NR3C1: variants seen among roughly 807,000 people sequenced by gnomAD.
NR3C1 encodes the protein nuclear receptor subfamily 3 group C member 1.
NR3C1 carries 14 observed loss-of-function variants against 74.0 expected under a neutral mutation model. The ratio of observed to expected loss-of-function variants is 0.19; its 90% CI spans 0.12 to 0.30. The LOEUF (loss-of-function observed/expected upper bound fraction) is 0.30, where lower values mean the gene tolerates loss of function less well. Ranked by LOEUF, NR3C1 falls within the 10% of genes least tolerant of loss-of-function variation. NR3C1 has a pLI of 1.00. For missense variants in NR3C1, 695 were observed against 909.8 expected (o/e 0.76, Z 3.04); for synonymous variants, 308 against 332.5 (o/e 0.93, Z 0.80).
At chr5:143,335,217 C>A (rs529242489) in intron 2 of NR3C1, among the ~76,000 whole-genome samples, 1 of 152,304 alleles carries the variant, frequency 6.6e-6, no homozygotes, top group South Asian at 2.1e-4. Flanking sequence ...AGGCTGGCCC[C>A]ATTTTTCATT....
chr5:143,380,472 TAAG>T (rs2151885079), intron 2 of NR3C1, among the ~76,000 whole-genome samples: 1 of 152,338 alleles, frequency 6.6e-6, no homozygotes, highest in South Asian at 2.1e-4. Flanking sequence ...GTATTCTCTT[TAAG>T]AAGAAGCCAA....
chr5:143,291,331 T>C (rs1204665173), intron 7 of NR3C1, among the ~76,000 whole-genome samples: 1 of 152,106 alleles, frequency 6.6e-6, no homozygotes, highest in East Asian at 1.9e-4. Context: ...GTTCAAGTGA[T>C]TCTCCTGCCT....
chr5:143,391,680 CA>C, intron 2 of NR3C1, among the ~76,000 whole-genome samples: 1 of 151,694 alleles, frequency 6.6e-6, no homozygotes, highest in South Asian at 2.1e-4. Flanking sequence ...AAGGCGCTTT[CA>C]AAAAATAATA....
In NR3C1 at chr5:143,282,567, C is replaced by G; in HGVS notation, c.2181+1G>C. 1 of 1,613,810 alleles carries G rather than the reference C, an allele frequency of 6.2e-7. No homozygotes were observed. Among genetic ancestry groups the G allele is most frequent in the Non-Finnish European group, 8.5e-7 (1 of 1,179,824 alleles). ...TATTTGGCTTTATGTTTGACACTTA[C>G]TTCATGCATAGAATCCAAGAGTTTT... On this transcript the variant is annotated splice_donor_variant, in intron 8 of 8. Transcript: ENST00000394464. LOFTEE classifies it high-confidence loss of function.
At chr5:143,355,061 A>G (rs1830898628) in intron 2 of NR3C1, among the ~76,000 whole-genome samples, 1 of 152,188 alleles carries the variant, frequency 6.6e-6, no homozygotes, top group Non-Finnish European at 1.5e-5. Flanking sequence ...AAGCTGTTGG[A>G]AAAATGGCAC....
Position 143,314,084 on chromosome 5 carries a change from C to A in NR3C1, c.1269G>T (p.Val423=). The A allele has an allele frequency of 1.2e-6, 2 of 1,613,816 alleles. No individual in the cohort carries two copies. The highest frequency in any genetic ancestry group is 1.7e-6 in the Non-Finnish European group (2 of 1,179,752). ...TTGPPPKLCL[V]CSDEASGCHY... Reference sequence around the variant, plus strand: ...GACATCCTGAAGCTTCATCAGAGCACACCAGGCAGAGTTTGGGAGGTGGTC... The same window carrying A: ...GACATCCTGAAGCTTCATCAGAGCAAACCAGGCAGAGTTTGGGAGGTGGTC... Residue 423 remains valine (V), a synonymous_variant, in exon 3 of 9, where the codon GTG becomes GTT. Coordinates refer to ENST00000394464, the MANE Select transcript of NR3C1 (RefSeq NM_000176.3).
At chr5:143,426,308 G>A (rs1243693928) in intron 1 of NR3C1, among the ~76,000 whole-genome samples, 1 of 152,126 alleles carries the variant, frequency 6.6e-6, no homozygotes, top group Non-Finnish European at 1.5e-5. Flanking sequence ...TAGCGGGGAT[G>A]GTTGTACAAA....
At chr5:143,305,533 G>T (rs1158328120) in intron 4 of NR3C1, among the ~76,000 whole-genome samples, 1 of 152,138 alleles carries the variant, frequency 6.6e-6, no homozygotes, top group Non-Finnish European at 1.5e-5. Flanking sequence ...AGAAAATGTG[G>T]TATTTATATG....
At chr5:143,392,335 T>C (rs1838401405) in intron 2 of NR3C1, among the ~76,000 whole-genome samples, 1 of 152,228 alleles carries the variant, frequency 6.6e-6, no homozygotes, top group Non-Finnish European at 1.5e-5. Flanking sequence ...CTCACTATTT[T>C]ACAGAAATTG....
chr5:143,296,372 T>G (rs1817192255), intron 6 of NR3C1, among the ~76,000 whole-genome samples: 2 of 149,364 alleles, frequency 1.3e-5, no homozygotes, highest in Admixed American at 6.6e-5. Flanking sequence ...GTTTATTCCT[T>G]TATATAAAAT....
At chr5:143,306,874 ATTTTTTTTTTTTTTTTTTTTT>A (rs70991802) in intron 4 of NR3C1, among the ~76,000 whole-genome samples, 41 of 82,900 alleles carry the variant, frequency 4.9e-4, no homozygotes, top group African/African-American at 1.5e-3. Context: ...GTATGCTTAA[ATTTTTTTTTTTTTTTTTTTTT>A]TTTTTTTTTT....
At chr5:143,294,511 T>A (rs1175610652) in intron 7 of NR3C1, 1 of 175,396 alleles carries the variant, frequency 5.7e-6, no homozygotes, top group Non-Finnish European at 1.1e-5. Flanking sequence ...AAGTCCATAG[T>A]TGAGGGTTCA....
At chr5:143,322,332 A>G (rs759551332) in intron 2 of NR3C1, among the ~76,000 whole-genome samples, 2 of 152,212 alleles carry the variant, frequency 1.3e-5, no homozygotes, top group Admixed American at 1.3e-4. Context: ...ACTATGATAA[A>G]GTGTCAGAAC....
chr5:143,399,599 T>A (rs1839861742), intron 2 of NR3C1, 57 bp downstream of exon 2: 1 of 1,219,866 alleles, frequency 8.2e-7, no homozygotes, highest in Admixed American at 1.7e-5. Flanking sequence ...AAGATTTACA[T>A]CTATTAATCT....
chr5:143,410,738 TAGA>T (rs1263877112), intron 1 of NR3C1, among the ~76,000 whole-genome samples: 4 of 152,188 alleles, frequency 2.6e-5, no homozygotes, highest in African/African-American at 7.2e-5. Flanking sequence ...TTGGAAAACT[TAGA>T]GGAGCTTATG....
At position 143,280,797 on chromosome 5, in the gene NR3C1, T is replaced by C. The variant is rs1377788116; in HGVS notation, c.*1092A>G. 6.6e-6 allele frequency: 1 copy of C among 152,212 alleles called. No homozygotes were observed. Among genetic ancestry groups the C allele is most frequent in the Admixed American group, 6.5e-5 (1 of 15,276 alleles). 9.4% of individuals were successfully genotyped at this position (152,212 alleles called of 1,614,324 possible). ...TTTGGGTAAAGTTTAGTGAGAGGAA[T>C]TACTTTGTCTGATTAAAAGTCTCTC... On this transcript the variant is annotated 3_prime_UTR_variant, in exon 9 of 9. Coordinates refer to ENST00000394464, the MANE Select transcript of NR3C1 (RefSeq NM_000176.3).
chr5:143,410,120 G>C (rs995311562), intron 1 of NR3C1, among the ~76,000 whole-genome samples: 1 of 152,164 alleles, frequency 6.6e-6, no homozygotes, highest in Admixed American at 6.5e-5. Flanking sequence ...CAAGTATTAC[G>C]TACTTTGTTT....
chr5:143,350,603 T>C (rs1370188776), intron 2 of NR3C1, among the ~76,000 whole-genome samples: 1 of 152,088 alleles, frequency 6.6e-6, no homozygotes, highest in Admixed American at 6.6e-5. Context: ...GTTGGAAATA[T>C]GGGTCAGGAG....
intron 2 of NR3C1, among the ~76,000 whole-genome samples, chr5:143,329,315 T>C (rs1825395297): frequency 1.3e-5 from 2 of 152,172 alleles, no homozygotes; most frequent in South Asian, 2.1e-4. Flanking sequence ...ATCACTTCCA[T>C]GATCCAAACA....
Sources: allele counts gnomAD v4.1 joint callset (sites outside exome capture counted in the v4.1 genomes callset), GRCh38; gene constraint gnomAD v4.1.1; transcripts MANE v1.5; gene names NCBI Gene and HGNC (gene_info 2026-07-23, HGNC 2026-07-21).